SATB2: variants seen among roughly 807,000 people sequenced by gnomAD.
SATB2 encodes the protein SATB homeobox 2, also known as DNA-binding protein SATB2.
Under a neutral mutation model 73.4 loss-of-function variants are expected in SATB2, and 1 was observed. The ratio of observed to expected loss-of-function variants is 0.01; its 90% CI spans 0.00 to 0.06. The LOEUF (loss-of-function observed/expected upper bound fraction) is 0.06. Among genes scored for constraint, SATB2 ranks in the 10% least tolerant of loss-of-function variants. The pLI is 1.00. For synonymous variants in SATB2, 397 were observed against 367.0 expected, an observed-to-expected ratio of 1.08 and a Z score of -0.93; for missense variants, 459 against 945.8, an observed-to-expected ratio of 0.49 and a Z score of 6.75.
intron 3 of SATB2, among the ~76,000 whole-genome samples, chr2:199,407,288 CA>C (rs34954916): frequency 6.4e-3 from 494 of 77,542 alleles, no homozygotes; most frequent in African/African-American, 0.019. Context: ...TCTTGTCTCC[CA>C]AAAAAAAAAA....
chr2:199,356,341 C>T (rs1248431343), intron 6 of SATB2, among the ~76,000 whole-genome samples: 1 of 151,270 alleles, frequency 6.6e-6, no homozygotes, highest in Non-Finnish European at 1.5e-5. Context: ...AAAAAGGACA[C>T]TGGCTTGCTT....
intron 6 of SATB2, among the ~76,000 whole-genome samples, chr2:199,362,366 C>T (rs531121502): frequency 9.2e-6 from 1 of 109,060 alleles, no homozygotes; most frequent in Non-Finnish European, 1.7e-5. Flanking sequence ...GCCCACCCCC[C>T]ACCCCACGTC....
intron 2 of SATB2, among the ~76,000 whole-genome samples, chr2:199,441,129 G>A (rs1301189538): frequency 6.6e-6 from 1 of 152,122 alleles, no homozygotes; most frequent in Non-Finnish European, 1.5e-5. Context: ...TTATAGGTGT[G>A]AGCCACCTTG....
At chr2:199,386,712 GCGCGCACACACACACACACACACACACA>G (rs1193618382) in intron 3 of SATB2, among the ~76,000 whole-genome samples, 24 of 67,656 alleles carry the variant, frequency 3.5e-4, no homozygotes, top group South Asian at 2.1e-3. Context: ...GCGCGCGCGC[GCGCGCACACACACACACACACACACACA>G]CACACACACA....
At chr2:199,305,137 T>C (rs1022678894) in intron 10 of SATB2, among the ~76,000 whole-genome samples, 23 of 152,136 alleles carry the variant, frequency 1.5e-4, no homozygotes, top group Admixed American at 1.4e-3. Flanking sequence ...ACAGGAGAGA[T>C]GCCTCAAGAA....
chr2:199,395,089 T>C (rs1016818745), intron 3 of SATB2, among the ~76,000 whole-genome samples: 1 of 147,154 alleles, frequency 6.8e-6, no homozygotes, highest in South Asian at 2.1e-4. Flanking sequence ...TCTAATTTTC[T>C]TTTTTTTTTT....
intron 3 of SATB2, among the ~76,000 whole-genome samples, chr2:199,424,580 A>T (rs1374151486): frequency 2.6e-5 from 4 of 152,224 alleles, no homozygotes; most frequent in African/African-American, 9.6e-5. Flanking sequence ...GAAAATCTGG[A>T]CAAAGTATTA....
intron 2 of SATB2, among the ~76,000 whole-genome samples, chr2:199,453,824 A>T (rs1037728146): frequency 2.6e-5 from 4 of 152,018 alleles, no homozygotes; most frequent in South Asian, 4.1e-4. Flanking sequence ...TGTCTTTTTT[A>T]AAAAAATTTA....
chr2:199,383,528 C>A (rs1689839441), intron 3 of SATB2, among the ~76,000 whole-genome samples: 1 of 152,094 alleles, frequency 6.6e-6, no homozygotes, highest in Non-Finnish European at 1.5e-5. Context: ...ACCATGATCA[C>A]CCATAAGTTG....
At chr2:199,309,636 T>C (rs1357523669) in intron 9 of SATB2, among the ~76,000 whole-genome samples, 1 of 152,216 alleles carries the variant, frequency 6.6e-6, no homozygotes, top group African/African-American at 2.4e-5. Flanking sequence ...GTTCTCTCTC[T>C]TGCAACTGCA....
chr2:199,419,453 G>C, intron 3 of SATB2, among the ~76,000 whole-genome samples: 1 of 152,196 alleles, frequency 6.6e-6, no homozygotes, highest in East Asian at 1.9e-4. Flanking sequence ...GTAAGTTTAT[G>C]CTAAAGATGG....
At chr2:199,324,027 T>G in intron 8 of SATB2, 69 bp from the exon 9 acceptor site, 1 of 1,561,418 alleles carries the variant, frequency 6.4e-7, no homozygotes, top group South Asian at 1.1e-5. Context: ...GTGCAGAAAT[T>G]ATCAAAGGAT....
chr2:199,324,587 T>G (rs1687980852), intron 8 of SATB2, among the ~76,000 whole-genome samples: 2 of 152,196 alleles, frequency 1.3e-5, no homozygotes, highest in South Asian at 4.1e-4. Context: ...TTCATTTTCT[T>G]AAACTCATAT....
intron 7 of SATB2, among the ~76,000 whole-genome samples, chr2:199,336,254 G>A (rs1330560497): frequency 1.3e-5 from 2 of 152,064 alleles, no homozygotes; most frequent in Non-Finnish European, 2.9e-5. Context: ...GTTCCCTTTG[G>A]AAACGTTTTA....
At chr2:199,458,960 A>G (rs1692393023), upstream of SATB2, among the ~76,000 whole-genome samples, 2 of 152,074 alleles carry the variant, frequency 1.3e-5, no homozygotes, top group Admixed American at 1.3e-4. Flanking sequence ...TGCCAGGAGC[A>G]CGGCCACTGC....
intron 10 of SATB2, among the ~76,000 whole-genome samples, chr2:199,295,165 G>C (rs1692991878): frequency 1.3e-5 from 2 of 152,054 alleles, no homozygotes; most frequent in African/African-American, 4.8e-5. Flanking sequence ...CTAAAGAAAA[G>C]CATGACAAGG....
chr2:199,304,427 G>C (rs1200859677), intron 10 of SATB2, among the ~76,000 whole-genome samples: 1 of 152,168 alleles, frequency 6.6e-6, no homozygotes, highest in African/African-American at 2.4e-5. Flanking sequence ...ACACAGACTA[G>C]AAACATTATG....
intron 1 of SATB2, among the ~76,000 whole-genome samples, chr2:199,456,396 A>G (rs2105957920): frequency 6.6e-6 from 1 of 152,292 alleles, no homozygotes; most frequent in East Asian, 1.9e-4. Context: ...ATTCATTGGG[A>G]CGGGGTTGGC....
At position 199,464,368 on chromosome 2, in the gene SATB2, G is replaced by A. The variant is rs1692549025; in HGVS notation, c.-141+468C>T. On this transcript the variant is annotated intron_variant, in intron 1 of 11. Transcript: ENST00000260926. This position sits in a 1 kb window ranked among gnomAD's most constrained non-coding sequence, Gnocchi z 6.6. ...TTAGAGGACTTCACTGGGCGGGTTG[G>A]GGTTTATTTTCAATAAATTCAGCTG... Among the ~76,000 whole-genome samples, 1 of 152,198 alleles carries A rather than the reference G, an allele frequency of 6.6e-6. No individual in the cohort carries two copies. Among genetic ancestry groups the A allele is most frequent in the Non-Finnish European group, 1.5e-5 (1 of 67,998 alleles).
Sources: allele counts gnomAD v4.1 joint callset (sites outside exome capture counted in the v4.1 genomes callset), GRCh38; gene constraint gnomAD v4.1.1; non-coding constraint Gnocchi (gnomAD v3.1); transcripts MANE v1.5; gene names NCBI Gene and HGNC (gene_info 2026-07-23, HGNC 2026-07-21).